NEB: variants seen among roughly 807,000 people sequenced by gnomAD.
NEB encodes the protein nebulin.
Under a neutral mutation model 952.2 loss-of-function variants are expected in NEB, and 512 were observed. That is an observed-to-expected ratio of 0.54 (90% CI 0.50 to 0.58). The LOEUF (loss-of-function observed/expected upper bound fraction) is 0.58. Ranked by LOEUF, NEB falls within the 20% of genes least tolerant of loss-of-function variation. The pLI is 0.00. For synonymous variants in NEB, 2,900 were observed against 3,149.8 expected, an observed-to-expected ratio of 0.92 and a Z score of 2.66; for missense variants, 8,428 against 9,231.1, an observed-to-expected ratio of 0.91 and a Z score of 3.56.
chr2:151,695,494 A>G, intron 18 of NEB, 84 bp downstream of exon 18: 1 of 908,444 alleles, frequency 1.1e-6, no homozygotes, highest in East Asian at 2.5e-5. Flanking sequence ...ACATTAATCT[A>G]TTCATTGAAT....
chr2:151,639,296 T>C lies in NEB; in HGVS notation c.8978A>G (p.Lys2993Arg), dbSNP rs138217855. The C allele has an allele frequency of 1.1e-3, 1,726 of 1,541,116 alleles. No homozygotes were observed. Among genetic ancestry groups the C allele is most frequent in the Non-Finnish European group, 1.5e-3 (1,664 of 1,146,112 alleles). Residue 2993 changes from lysine to arginine, a missense_variant, in exon 63 of 182, where the codon AAA becomes AGA. Physicochemically the swap from Lys to Arg is conservative, Grantham distance 26. Transcript: ENST00000397345. ...TGCTCTCACCTCACTGTAGTTGATT[T>C]TGTTCATTCTTGCCAACATAATTTC... ...TPEIMLARMN[K>R]INYSESLYKL...
intron 32 of NEB, 61 bp downstream of exon 32, chr2:151,679,660 G>GTGCCCC: frequency 1.5e-6 from 1 of 682,634 alleles, no homozygotes; most frequent in East Asian, 2.7e-5. Flanking sequence ...GTCATCGTCA[G>GTGCCCC]ACCCCAAGCC....
chr2:151,557,352 GTT>G, intron 124 of NEB, among the ~76,000 whole-genome samples: 1 of 152,126 alleles, frequency 6.6e-6, no homozygotes, highest in Non-Finnish European at 1.5e-5. Context: ...CCAATAACAA[GTT>G]CTGAAATTGA....
In NEB at chr2:151,505,576, G is replaced by A. The variant is rs763127643; in HGVS notation, c.23650-6C>T. The A allele has an allele frequency of 3.7e-6, 6 of 1,607,706 alleles. No individual in the cohort carries two copies. In the Admixed American group the frequency reaches 6.7e-5, roughly 18 times the overall value. ...ATTGCTTCCTTATACTTCACCTGCA[G>A]ATTTAAAAATGGGAAAAGAAAGGTA... On this transcript the variant is annotated splice_polypyrimidine_tract_variant and splice_region_variant and intron_variant, in intron 164 of 181. Transcript: ENST00000397345.
intron 40 of NEB, among the ~76,000 whole-genome samples, chr2:151,666,974 A>G (rs2099226598): frequency 6.6e-6 from 1 of 152,126 alleles, no homozygotes; most frequent in African/African-American, 2.4e-5. Flanking sequence ...TCTTGAAATT[A>G]ATGCCTTTTT....
chr2:151,532,086 C>T (rs1559613990), intron 143 of NEB, 190 bp from the exon 144 acceptor site: 1 of 495,002 alleles, frequency 2.0e-6, no homozygotes. Context: ...GATACTACTA[C>T]TAATAATTTC....
At position 151,538,245 on chromosome 2, in the gene NEB, C is replaced by G; in HGVS notation, c.20893-1G>C. 1 of 1,602,334 alleles carries G rather than the reference C, an allele frequency of 6.2e-7. No individual in the cohort carries two copies. Among genetic ancestry groups the G allele is most frequent in the Non-Finnish European group, 8.5e-7 (1 of 1,170,320 alleles). On this transcript the variant is annotated splice_acceptor_variant, in intron 138 of 181. Coordinates refer to ENST00000397345, the MANE Select transcript of NEB (RefSeq NM_001164508.2). LOFTEE classifies it high-confidence loss of function. ...TTTGAAATGTTTCTTTGTAGCGTAG[C>G]TAGAAAGAGAAAAAACACATGAATT... is the stretch of plus-strand genomic sequence containing the variant.
chr2:151,515,514 T>A (rs1185132168), intron 157 of NEB, among the ~76,000 whole-genome samples: 1 of 152,152 alleles, frequency 6.6e-6, no homozygotes, highest in Non-Finnish European at 1.5e-5. Context: ...CACTGAGTTT[T>A]GACCTGTTTT....
chr2:151,551,144 T>C (rs2095307386), intron 129 of NEB, among the ~76,000 whole-genome samples: 2 of 151,730 alleles, frequency 1.3e-5, no homozygotes, highest in South Asian at 4.2e-4. Flanking sequence ...ATTTTTTGTA[T>C]TTTTAGTAGA....
intron 181 of NEB, 61 bp from the exon 182 acceptor site, chr2:151,485,994 A>G: frequency 6.6e-7 from 1 of 1,519,228 alleles, no homozygotes; most frequent in Non-Finnish European, 9.1e-7. Flanking sequence ...GTTAACACAC[A>G]TCTATTTGTA....
Position 151,554,929 on chromosome 2 carries a change from A to C in NEB, c.19428+2T>G. On this transcript the variant is annotated splice_donor_variant, in intron 125 of 181. Transcript: ENST00000397345. LOFTEE classifies it high-confidence loss of function. ...CATTAAGGGGCGCATGACCGTACTT[A>C]CATCGATGTTAAGCTTGCCAACTCG... is the stretch of plus-strand genomic sequence containing the variant. 1 of 1,598,148 alleles carries C rather than the reference A, an allele frequency of 6.3e-7. No individual in the cohort carries two copies. The highest frequency in any genetic ancestry group is 8.6e-7 in the Non-Finnish European group (1 of 1,165,446).
Position 151,659,153 on chromosome 2 carries a change from G to C in NEB, c.5987C>G (p.Ala1996Gly). 2.5e-6 allele frequency: 4 copies of C among 1,611,600 alleles called. No homozygotes were observed. ...GACTTTGGTTTTGTCAGCCTCCCAT[G>C]CTTGTTTGTAGAGATGCTAGGAAAA... ...KIMNEHLYKQ[A>G]WEADKTKVHI... The change falls in exon 47 of 182, where the codon GCA (alanine) becomes GGA (glycine). Residue 1996 changes from alanine (A) to glycine (G), a missense_variant. Physicochemically the swap from Ala to Gly is moderately conservative, Grantham distance 60. This residue lies in a region of NEB where 2,851 missense variants were observed against 2,791.5 expected (regional missense o/e 1.02). Transcript: ENST00000397345.
At chr2:151,488,484 A>G (rs2053091849) in intron 181 of NEB, among the ~76,000 whole-genome samples, 1 of 151,594 alleles carries the variant, frequency 6.6e-6, no homozygotes. Context: ...CTACCAAAAA[A>G]AAAAAAAAAA....
rs2154055733 is a variant in NEB, at chr2:151,626,512, AC to A, written c.10347+489del. ...TATAACTAACTCTTATAGACTTCAA[AC>A]AATTTGAACCCATAATAGCTGTCCC... On this transcript the variant is annotated intron_variant, in intron 70 of 181. Transcript: ENST00000397345. 2.0e-5 allele frequency among the ~76,000 whole-genome samples: 3 copies of A among 151,926 alleles called. No individual in the cohort carries two copies. In the South Asian group the frequency reaches 6.2e-4, roughly 32 times the overall value.
In NEB at chr2:151,546,417, G is replaced by A. The variant is rs1365220618; in HGVS notation, c.20394C>T (p.Val6798=). The A allele has an allele frequency of 5.6e-6, 9 of 1,613,392 alleles. No homozygotes were observed. The highest frequency in any genetic ancestry group is 6.8e-6 in the Non-Finnish European group (8 of 1,179,432). Residue 6798 remains valine, a synonymous_variant, in exon 134 of 182, where the codon GTC becomes GTT. Coordinates refer to ENST00000397345, the MANE Select transcript of NEB (RefSeq NM_001164508.2). ...SDIKYKEDLQ[V]LKGFGCFLYD... is the part of the protein sequence containing the mutation. ...ACAGGAAGCAGCCAAATCCCTTCAGGACCTGCAAGTCCTCTTTGTATTTAA... is the reference window on the plus strand; with the variant it reads ...ACAGGAAGCAGCCAAATCCCTTCAGAACCTGCAAGTCCTCTTTGTATTTAA...
intron 124 of NEB, among the ~76,000 whole-genome samples, chr2:151,560,302 A>C (rs1447099466): frequency 1.3e-5 from 2 of 152,168 alleles, no homozygotes; most frequent in Non-Finnish European, 2.9e-5. Flanking sequence ...TCTTCAGCCC[A>C]TCCTTACTTC....
Position 151,535,815 on chromosome 2 carries a change from G to T in NEB, c.21208-20C>A. 7.5e-7 allele frequency: 1 copy of T among 1,339,312 alleles called. No individual in the cohort carries two copies. The highest frequency in any genetic ancestry group is 1.1e-6 in the Non-Finnish European group (1 of 951,768). The allele number at this position is 1,339,312 out of a possible 1,614,324, so 83.0% of individuals were successfully genotyped here. A position where few individuals can be genotyped will look rare whatever the true frequency, so the allele number is the denominator to read the frequency against. ...CTTATACTAGAAAAAACAGAACATG[G>T]TTACTTGACAGCAGGCTATGATTAT... On this transcript the variant is annotated intron_variant, in intron 141 of 181. Transcript: ENST00000397345.
Position 151,547,731 on chromosome 2 carries a change from TAC to T in NEB, c.20163_20164del (p.Tyr6722SerfsTer19), listed in dbSNP as rs1355594941. Reference sequence around the variant, plus strand: ...TTTCAGTTTGTGGTACAATTCCCGATACAGTCTCTACGTTGGAGGAAATATCA... The same window carrying T: ...TTTCAGTTTGTGGTACAATTCCCGATAGTCTCTACGTTGGAGGAAATATCA... On this transcript the variant is annotated frameshift_variant, in exon 132 of 182. Transcript: ENST00000397345. LOFTEE classifies it high-confidence loss of function. The T allele has an allele frequency of 6.2e-7, 1 of 1,612,082 alleles. No homozygotes were observed. The highest frequency in any genetic ancestry group is 8.5e-7 in the Non-Finnish European group (1 of 1,178,780).
rs1285878258 is a variant in NEB, at chr2:151,547,756, T to A, written c.20158-18A>T. 3.2e-6 allele frequency: 5 copies of A among 1,586,556 alleles called. No homozygotes were observed. Among genetic ancestry groups the A allele is most frequent in the Non-Finnish European group, 4.3e-6 (5 of 1,157,684 alleles). On this transcript the variant is annotated intron_variant, in intron 131 of 181. Coordinates refer to ENST00000397345, the MANE Select transcript of NEB (RefSeq NM_001164508.2). ...TACAGTCTCTACGTTGGAGGAAATA[T>A]CATTACAGGCATTTAGTAGGGGACG...
Sources: gnomAD v4.1 joint callset for allele counts (sites outside exome capture counted in the v4.1 genomes callset) on GRCh38, gnomAD v4.1.1 for gene constraint, gnomAD v4.1.1 regional missense constraint, MANE v1.5 for transcripts, NCBI Gene and HGNC (gene_info 2026-07-23, HGNC 2026-07-21) for gene names.